KLF12: variants seen among roughly 807,000 people sequenced by gnomAD.
The protein encoded by KLF12 is KLF transcription factor 12.
In KLF12, 9 loss-of-function variants were observed where a neutral mutation model predicts 37.8. The ratio of observed to expected loss-of-function variants is 0.24; its 90% confidence interval spans 0.14 to 0.42. KLF12 has a LOEUF of 0.42. KLF12 is among the 10% of genes least tolerant of loss of function. The pLI, the probability that KLF12 is intolerant of heterozygous loss-of-function variation, is 1.00. For missense variants in KLF12, 411 were observed against 516.0 expected (o/e 0.80, Z 1.97); for synonymous variants, 208 against 202.1 (o/e 1.03, Z -0.25).
chr13:73,740,532 G>T (rs1877897938), intron 6 of KLF12, among the ~76,000 whole-genome samples: 1 of 152,066 alleles, frequency 6.6e-6, no homozygotes, highest in Non-Finnish European at 1.5e-5. Flanking sequence ...AATAGAGATG[G>T]GGTCTCACTA....
intron 3 of KLF12, among the ~76,000 whole-genome samples, chr13:73,927,195 T>C (rs1296413543): frequency 2.6e-5 from 4 of 152,154 alleles, no homozygotes; most frequent in Non-Finnish European, 5.9e-5. Flanking sequence ...AGTTGCACCA[T>C]TGAGAAGGTG....
chr13:73,761,920 A>G (rs986643842), intron 6 of KLF12, among the ~76,000 whole-genome samples: 11 of 152,166 alleles, frequency 7.2e-5, no homozygotes, highest in African/African-American at 2.7e-4. Context: ...CCAAACCCCA[A>G]AGGCTTCATC....
At chr13:74,041,312 G>A (rs779214966) in intron 1 of KLF12, among the ~76,000 whole-genome samples, 9 of 152,148 alleles carry the variant, frequency 5.9e-5, no homozygotes, top group Non-Finnish European at 8.8e-5. Flanking sequence ...TCTCATGTAG[G>A]TATTTATTAT....
chr13:74,172,142 G>GACACACACTCACAC, the KLF12 span, among the ~76,000 whole-genome samples: 2 of 145,960 alleles, frequency 1.4e-5, no homozygotes, highest in Admixed American at 1.4e-4. Context: ...TTTTCCTCAC[G>GACACACACTCACAC]ACACACACAC....
intron 7 of KLF12, among the ~76,000 whole-genome samples, chr13:73,699,076 C>A (rs1232118929): frequency 6.6e-6 from 1 of 151,876 alleles, no homozygotes; most frequent in Non-Finnish European, 1.5e-5. Flanking sequence ...GAAGACTCAC[C>A]CACTGAGGAC....
At chr13:74,054,621 G>A (rs556845817) in intron 1 of KLF12, among the ~76,000 whole-genome samples, 1 of 152,326 alleles carries the variant, frequency 6.6e-6, no homozygotes, top group South Asian at 2.1e-4. Context: ...AAGCTTCTAA[G>A]ATCAGAATCC....
At chr13:73,751,053 C>T (rs193268133) in intron 6 of KLF12, among the ~76,000 whole-genome samples, 1 of 152,236 alleles carries the variant, frequency 6.6e-6, no homozygotes, top group East Asian at 1.9e-4. Context: ...GTAGGCATGG[C>T]AATGATTGGA....
rs115060005 is a variant in KLF12 at position 73,829,589 on chromosome 13, C to T, written c.670+16238G>A. 7.5e-3 allele frequency among the ~76,000 whole-genome samples: 1,146 copies of T among 152,150 alleles called. 17 individuals carry two copies. The highest frequency in any genetic ancestry group is 0.026 in the African/African-American group (1,100 of 41,518). ...TAGATGCATAAATAAGGTCTAGTAC[C>T]AAGTTCTTCTCTGAGCATATTCTAA... On this transcript the variant is annotated intron_variant, in intron 4 of 7. Transcript: ENST00000377669.
chr13:74,207,165 C>T, the KLF12 span, among the ~76,000 whole-genome samples: 5 of 152,170 alleles, frequency 3.3e-5, no homozygotes, highest in African/African-American at 4.8e-5. Context: ...CCTGCAATAA[C>T]GAGCCCACTC....
intron 1 of KLF12, among the ~76,000 whole-genome samples, chr13:74,120,626 T>C (rs1031893131): frequency 1.3e-5 from 2 of 151,954 alleles, no homozygotes; most frequent in African/African-American, 2.4e-5. Flanking sequence ...TTTTAAAACA[T>C]ATTTTTGTCT....
At chr13:73,943,312 A>G (rs1256326477) in intron 3 of KLF12, among the ~76,000 whole-genome samples, 1 of 152,120 alleles carries the variant, frequency 6.6e-6, no homozygotes, top group Non-Finnish European at 1.5e-5. Flanking sequence ...GCTGCAACCA[A>G]TTATCCTGCA....
intron 6 of KLF12, among the ~76,000 whole-genome samples, chr13:73,739,309 A>C (rs1877781935): frequency 1.3e-5 from 2 of 151,794 alleles, no homozygotes; most frequent in African/African-American, 4.8e-5. Context: ...GGAAAGGATT[A>C]AATGAGTTAA....
At chr13:74,196,105 T>A in the KLF12 span, among the ~76,000 whole-genome samples, 1 of 152,268 alleles carries the variant, frequency 6.6e-6, no homozygotes, top group Admixed American at 6.5e-5. Flanking sequence ...GCAAAATGTT[T>A]CATTTTATTT....
chr13:73,886,868 T>C (rs1458809340), intron 3 of KLF12, among the ~76,000 whole-genome samples: 2 of 151,872 alleles, frequency 1.3e-5, no homozygotes, highest in African/African-American at 4.8e-5. Flanking sequence ...GGCGCATGCC[T>C]GTAATCCCAG....
chr13:74,164,720 T>C, the KLF12 span, among the ~76,000 whole-genome samples: 59 of 152,326 alleles, frequency 3.9e-4, no homozygotes, highest in Non-Finnish European at 8.4e-4. Flanking sequence ...GCCTGGAAGC[T>C]GGCAGTTGCT....
intron 1 of KLF12, among the ~76,000 whole-genome samples, chr13:74,017,298 CATAAGGTAGTTATGTGAACTT>C (rs1454522720): frequency 2.2e-4 from 26 of 119,504 alleles, no homozygotes; most frequent in African/African-American, 8.2e-4. Flanking sequence ...AAAGTCAACA[CATAAGGTAGTTATGTGAACTT>C]ATAAGTTATG....
At chr13:73,772,182 T>A (rs1329421433) in intron 5 of KLF12, among the ~76,000 whole-genome samples, 1 of 152,238 alleles carries the variant, frequency 6.6e-6, no homozygotes, top group Non-Finnish European at 1.5e-5. Flanking sequence ...ACATTTATTG[T>A]GCACCTATTA....
intron 3 of KLF12, among the ~76,000 whole-genome samples, chr13:73,932,885 A>G (rs904741123): frequency 6.6e-6 from 1 of 152,170 alleles, no homozygotes; most frequent in Non-Finnish European, 1.5e-5. Context: ...TTCTTCTTAC[A>G]CATCAATATA....
the KLF12 span, among the ~76,000 whole-genome samples, chr13:74,176,513 A>G: frequency 6.6e-6 from 1 of 152,154 alleles, no homozygotes; most frequent in African/African-American, 2.4e-5. Context: ...ATGATCGTTC[A>G]GTGGGTGTTT....
Sources: gnomAD v4.1 joint callset for allele counts (sites outside exome capture counted in the v4.1 genomes callset) on GRCh38, gnomAD v4.1.1 for gene constraint, MANE v1.5 for transcripts, NCBI Gene and HGNC (gene_info 2026-07-23, HGNC 2026-07-21) for gene names.